The following RPAP1 variants were observed in gnomAD, a reference collection of about 807,000 sequenced individuals.
RPAP1 encodes the protein RNA polymerase II associated protein 1.
RPAP1 carries 109 observed loss-of-function variants against 142.4 expected under a neutral mutation model. That is an observed-to-expected ratio of 0.77 (90% confidence interval 0.66 to 0.90). The LOEUF is 0.90. Ranked by LOEUF, RPAP1 falls within the 40% of genes least tolerant of loss-of-function variation. The pLI, the probability that RPAP1 is intolerant of heterozygous loss-of-function variation, is 0.00. For missense variants in RPAP1, 1,546 were observed against 1,751.7 expected, an observed-to-expected ratio of 0.88 and a Z score of 2.10; for synonymous variants, 704 against 738.9, an observed-to-expected ratio of 0.95 and a Z score of 0.77.
In RPAP1 at chr15:41,536,961, A is replaced by G; in HGVS notation, c.165T>C (p.Asp55=). The G allele has an allele frequency of 6.2e-7, 1 of 1,613,918 alleles. No homozygotes were observed. Among genetic ancestry groups the G allele is most frequent in the Non-Finnish European group, 8.5e-7 (1 of 1,179,932 alleles). The change falls in exon 2 of 25, where the codon GAT becomes GAC. Residue 55 remains aspartate (D), a synonymous_variant. Coordinates refer to ENST00000304330, the MANE Select transcript of RPAP1 (RefSeq NM_015540.4). The stretch of plus-strand genomic sequence containing the variant: ...GGAACTCACTGTCCAACATCACCAC[A>G]TCCCGATGGTCCTGGAGCGGAGGCC... ...SDRPPLQDHR[D]VVMLDNLPDL...
At position 41,522,865 on chromosome 15, in the gene RPAP1, C is replaced by T. The variant is rs61748721; in HGVS notation, c.2642G>A (p.Arg881His). The T allele has an allele frequency of 6.3e-3, 9,950 of 1,579,568 alleles. 566 individuals are homozygous for T. In the African/African-American group the frequency reaches 0.13, roughly 20 times the overall value. The change falls in exon 19 of 25, where the codon CGT (arginine) becomes CAT (histidine). Residue 881 changes from arginine to histidine, a missense_variant. By Grantham distance (29) the Arg-to-His change is conservative. Transcript: ENST00000304330. ...VSLGCSGGCP[R>H]LSLAGSASPF... ...TGAGGCTGAGCCAGCCAGACTGAGA[C>T]GGGGGCAGCCTCCCGAGCAGCCCAG... is the stretch of plus-strand genomic sequence containing the variant.
At position 41,522,831 on chromosome 15, in the gene RPAP1, T is replaced by A; in HGVS notation, c.2676A>T (p.Pro892=). The A allele has an allele frequency of 3.2e-6, 5 of 1,585,186 alleles. No homozygotes were observed. The highest frequency in any genetic ancestry group is 3.4e-6 in the Non-Finnish European group (4 of 1,170,622). ...LSLAGSASPF[P]FLTALLSLLN... Reference sequence around the variant, plus strand: ...GAAGAGAGAGGAGGGCAGTGAGGAATGGGAAGGGTGAGGCTGAGCCAGCCA... The same window carrying A: ...GAAGAGAGAGGAGGGCAGTGAGGAAAGGGAAGGGTGAGGCTGAGCCAGCCA... The change falls in exon 19 of 25, where the codon CCA becomes CCT. Residue 892 remains proline (P), a synonymous_variant. Transcript: ENST00000304330.
Position 41,536,175 on chromosome 15 carries a change from C to T in RPAP1, c.374G>A (p.Ser125Asn). 6.2e-7 allele frequency: 1 copy of T among 1,614,190 alleles called. No individual in the cohort carries two copies. Among genetic ancestry groups the T allele is most frequent in the African/African-American group, 1.3e-5 (1 of 75,050 alleles). ...GAACACAGCAGGGAAAGCAACACCA[C>T]TGGGCACAGGCAGATTCACGGCCAC... Reference protein sequence around the residue: ...SSVAVNLPVPSGVAFPAVFLR... With the variant: ...SSVAVNLPVPNGVAFPAVFLR... The change falls in exon 4 of 25, where the codon AGT becomes AAT. Residue 125 changes from serine to asparagine, a missense_variant. Physicochemically the swap from Ser to Asn is conservative, Grantham distance 46. Around this residue, in one of 3 missense-constraint regions of RPAP1, gnomAD observed 1,333 missense variants for 1,486.6 expected, o/e 0.90. Coordinates refer to ENST00000304330, the MANE Select transcript of RPAP1 (RefSeq NM_015540.4).
At chr15:41,526,412 A>T (rs867678631) in intron 14 of RPAP1, among the ~76,000 whole-genome samples, 3 of 152,026 alleles carry the variant, frequency 2.0e-5, no homozygotes, top group African/African-American at 7.2e-5. Flanking sequence ...ACATCTAGCT[A>T]ATTTTTTGTT....
chr15:41,523,881 T>C lies in RPAP1; in HGVS notation c.2326A>G (p.Arg776Gly). 6.2e-7 allele frequency: 1 copy of C among 1,607,986 alleles called. No homozygotes were observed. Among genetic ancestry groups the C allele is most frequent in the Non-Finnish European group, 8.5e-7 (1 of 1,176,992 alleles). The change falls in exon 17 of 25, where the codon AGG (arginine) becomes GGG (glycine). Residue 776 changes from arginine to glycine, a missense_variant. Coordinates refer to ENST00000304330, the MANE Select transcript of RPAP1 (RefSeq NM_015540.4). ...CTGGACAGCAACTTCAAGGTCTGCC[T>C]TAGACACGGCTCAACAAGAGGCTGG... Reference protein sequence around the residue: ...GLQPLVEPCLRQTLKLLSRPE... With the variant: ...GLQPLVEPCLGQTLKLLSRPE...
At position 41,527,894 on chromosome 15, in the gene RPAP1, G is replaced by A; in HGVS notation, c.1394C>T (p.Ala465Val). 6.2e-7 allele frequency: 1 copy of A among 1,614,080 alleles called. No homozygotes were observed. Among genetic ancestry groups the A allele is most frequent in the Non-Finnish European group, 8.5e-7 (1 of 1,180,018 alleles). Reference sequence around the variant, plus strand: ...AGGAGCCACCAGCAGAGCCCGAAGAGCACGGATGGCGGTTGCAATGACCCC... The same window carrying A: ...AGGAGCCACCAGCAGAGCCCGAAGAACACGGATGGCGGTTGCAATGACCCC... ...VDGVIATAIR[A>V]LRALLVAPGD... The change falls in exon 11 of 25, where the codon GCT becomes GTT. Residue 465 changes from alanine (A) to valine (V), a missense_variant. This residue lies in a region of RPAP1 where 1,333 missense variants were observed against 1,486.6 expected (regional missense o/e 0.90). Transcript: ENST00000304330.
intron 3 of RPAP1, 55 bp downstream of exon 3, chr15:41,536,446 C>T (rs767008556): frequency 6.2e-7 from 1 of 1,600,680 alleles, no homozygotes; most frequent in East Asian, 2.2e-5. Context: ...CCCGAGCATC[C>T]AATATCCCTG....
At position 41,531,211 on chromosome 15, in the gene RPAP1, G is replaced by T; in HGVS notation, c.764-9C>A. ...AGCAACCAAGCTGGGGTCTAGAGGC[G>T]AAGGTAGAGGGGAGAGTGAGTGAGG... On this transcript the variant is annotated splice_polypyrimidine_tract_variant and intron_variant, in intron 6 of 24. Transcript: ENST00000304330. 6.2e-7 allele frequency: 1 copy of T among 1,606,192 alleles called. No homozygotes were observed. The highest frequency in any genetic ancestry group is 8.5e-7 in the Non-Finnish European group (1 of 1,173,504).
intron 19 of RPAP1, chr15:41,522,473 C>T: frequency 3.5e-6 from 2 of 576,746 alleles, no homozygotes; most frequent in Non-Finnish European, 6.1e-6. Context: ...TCACCGCAGC[C>T]TCCGCCTCCC....
At chr15:41,523,196 G>A in intron 18 of RPAP1, 49 bp downstream of exon 18, 1 of 1,324,636 alleles carries the variant, frequency 7.5e-7, no homozygotes, top group Non-Finnish European at 1.0e-6. Flanking sequence ...CACAAGGAAA[G>A]AAATTGCCTC....
chr15:41,521,898 G>A lies in RPAP1; in HGVS notation c.2896-18C>T. ...AGCGCTGCCTGCAGACAGAAAAGCA[G>A]GGAACTACCTAGTACAGGAGAAGGG... On this transcript the variant is annotated intron_variant, in intron 20 of 24. Coordinates refer to ENST00000304330, the MANE Select transcript of RPAP1 (RefSeq NM_015540.4). 6.2e-7 allele frequency: 1 copy of A among 1,613,048 alleles called. No individual in the cohort carries two copies. Among genetic ancestry groups the A allele is most frequent in the Non-Finnish European group, 8.5e-7 (1 of 1,179,502 alleles).
chr15:41,536,535 T>G lies in RPAP1; in HGVS notation c.296A>C (p.Asp99Ala). Residue 99 changes from aspartate (D) to alanine (A), a missense_variant, in exon 3 of 25, where the codon GAT (aspartate) becomes GCT (alanine). Asp to Ala is a moderately radical substitution (Grantham distance 126). Transcript: ENST00000304330. ...AGTCAAGACAGCAGTGATGTGCTGA[T>G]CATGCCTCCTCAGCCTCTCTTCTGG... ...EDPEERLRRH[D>A]QHITAVLTKI... 6.2e-7 allele frequency: 1 copy of G among 1,614,172 alleles called. No homozygotes were observed. Among genetic ancestry groups the G allele is most frequent in the South Asian group, 1.1e-5 (1 of 91,074 alleles).
chr15:41,517,238 AG>A lies in RPAP1; in HGVS notation c.*303del, dbSNP rs1416876890. The A allele has an allele frequency of 1.9e-5, 5 of 259,908 alleles. No individual in the cohort carries two copies. The highest frequency in any genetic ancestry group is 3.6e-5 in the Non-Finnish European group (5 of 137,140). 16.1% of individuals were successfully genotyped at this position (259,908 alleles called of 1,614,324 possible). A position where few individuals can be genotyped will look rare whatever the true frequency, so the allele number is the denominator to read the frequency against. On this transcript the variant is annotated 3_prime_UTR_variant, in exon 25 of 25. Transcript: ENST00000304330. ...CTATAGCATTCATATGCCTCAGCCC[AG>A]GGCAGGGGTTGGGAGTTAGGTAAGA...
At chr15:41,527,743 C>A in intron 11 of RPAP1, 117 bp downstream of exon 11, 1 of 1,472,566 alleles carries the variant, frequency 6.8e-7, no homozygotes, top group Non-Finnish European at 9.1e-7. Context: ...GAGGGAGACG[C>A]CTGCCATCCC....
At position 41,527,742 on chromosome 15, in the gene RPAP1, G is replaced by T. The variant is rs545934922; in HGVS notation, c.1428+118C>A. ...AGGGACTTTAGGAGATGAGGGAGAC[G>T]CCTGCCATCCCATTCTACATCTTGC... On this transcript the variant is annotated intron_variant, in intron 11 of 24. Transcript: ENST00000304330. 2.5e-5 allele frequency: 37 copies of T among 1,465,520 alleles called. No individual in the cohort carries two copies. In the South Asian group the frequency reaches 4.2e-4, roughly 17 times the overall value. 90.8% of individuals were successfully genotyped at this position (1,465,520 alleles called of 1,614,324 possible).
At chr15:41,517,961 A>G (rs2051682281) in intron 23 of RPAP1, 45 bp downstream of exon 23, 18 of 1,612,880 alleles carry the variant, frequency 1.1e-5, no homozygotes, top group Non-Finnish European at 1.5e-5. Flanking sequence ...AGGCAGCTCA[A>G]TTGCTAGCTC....
In RPAP1 at chr15:41,528,280, C is replaced by A. The variant is rs1421294706; in HGVS notation, c.1215G>T (p.Gln405His). 1.2e-6 allele frequency: 2 copies of A among 1,608,418 alleles called. No homozygotes were observed. Among genetic ancestry groups the A allele is most frequent in the Middle Eastern group, 1.7e-4 (1 of 6,054 alleles). The change falls in exon 10 of 25, where the codon CAG becomes CAT. Residue 405 changes from glutamine (Q) to histidine (H), a missense_variant. This residue lies in a region of RPAP1 where 1,333 missense variants were observed against 1,486.6 expected (regional missense o/e 0.90). Transcript: ENST00000304330. ...LFHLTRSQVSQQRALALHVLA... is the reference protein window; with the variant it reads ...LFHLTRSQVSHQRALALHVLA... ...ACACATGCAGTGCCAGTGCTCTCTGCTGGGAAACCTGGCTGCGGGTCAGGT... is the reference window on the plus strand; with the variant it reads ...ACACATGCAGTGCCAGTGCTCTCTGATGGGAAACCTGGCTGCGGGTCAGGT...
chr15:41,525,122 G>C lies in RPAP1; in HGVS notation c.1944C>G (p.Arg648=). 1.2e-6 allele frequency: 2 copies of C among 1,612,732 alleles called. No homozygotes were observed. The highest frequency in any genetic ancestry group is 1.7e-6 in the Non-Finnish European group (2 of 1,179,432). The change falls in exon 15 of 25, where the codon CGC becomes CGG. Residue 648 remains arginine, a synonymous_variant. Transcript: ENST00000304330. The part of the protein sequence containing the change: ...RLLSSFDLRS[R]LCRIIAEAPQ... The stretch of plus-strand genomic sequence containing the variant: ...GAGCCTCAGCTATGATGCGGCACAG[G>C]CGGCTCCGGAGATCAAAGCTGCTCA...
chr15:41,520,940 C>A lies in RPAP1; in HGVS notation c.3246G>T (p.Gln1082His), dbSNP rs761953556. The A allele has an allele frequency of 3.7e-6, 6 of 1,612,128 alleles. No homozygotes were observed. The highest frequency in any genetic ancestry group is 5.1e-6 in the Non-Finnish European group (6 of 1,179,204). The stretch of plus-strand genomic sequence containing the variant: ...TGGGCAGTAGCAGGGTTGGGACTCG[C>A]TGTAGCTCCCCTCGGTGCAGAGCCT... ...ASQALHRGELQRVPTLLLPMP... is the reference protein window; with the variant it reads ...ASQALHRGELHRVPTLLLPMP... Residue 1082 changes from glutamine (Q) to histidine (H), a missense_variant, in exon 22 of 25, where the codon CAG becomes CAT. By Grantham distance (24) the Gln-to-His change is conservative. Transcript: ENST00000304330.
Sources: gnomAD v4.1 joint callset for allele counts (sites outside exome capture counted in the v4.1 genomes callset) on GRCh38, gnomAD v4.1.1 for gene constraint, gnomAD v4.1.1 regional missense constraint, MANE v1.5 for transcripts, NCBI Gene and HGNC (gene_info 2026-07-23, HGNC 2026-07-21) for gene names.